The following GALNT18 variants were observed in gnomAD, a reference collection of about 807,000 sequenced individuals.
GALNT18 encodes polypeptide N-acetylgalactosaminyltransferase 18.
A neutral mutation model predicts 69.5 loss-of-function variants in GALNT18; 44 were observed. The observed-to-expected ratio is 0.63, with a 90% confidence interval of 0.50 to 0.81. The LOEUF is 0.81. Ranked by LOEUF, GALNT18 falls within the 40% of genes least tolerant of loss-of-function variation. GALNT18 has a pLI of 0.00. For synonymous variants in GALNT18, 364 were observed against 318.2 expected, an observed-to-expected ratio of 1.14 and a Z score of -1.53; for missense variants, 715 against 810.0, an observed-to-expected ratio of 0.88 and a Z score of 1.42.
At chr11:11,552,937 C>T (rs1254357493) in intron 1 of GALNT18, among the ~76,000 whole-genome samples, 1 of 152,182 alleles carries the variant, frequency 6.6e-6, no homozygotes, top group African/African-American at 2.4e-5. Flanking sequence ...CTGAGATCAG[C>T]AGTTTGTCAG....
chr11:11,430,546 G>A lies in GALNT18; in HGVS notation c.595+2075C>T, dbSNP rs1031430612. Reference sequence around the variant, plus strand: ...ATGCTCTAGAGCTTTGGTTGTGAAAGGTCTAGGGTGCTGCTCGTCTGCATC... The same window carrying A: ...ATGCTCTAGAGCTTTGGTTGTGAAAAGTCTAGGGTGCTGCTCGTCTGCATC... On this transcript the variant is annotated intron_variant, in intron 3 of 10. Transcript: ENST00000227756. This position sits in a 1 kb window ranked among gnomAD's most constrained non-coding sequence, Gnocchi z 4.9. Among the ~76,000 whole-genome samples the A allele has an allele frequency of 6.6e-6, 1 of 152,228 alleles. No individual in the cohort carries two copies. Among genetic ancestry groups the A allele is most frequent in the Non-Finnish European group, 1.5e-5 (1 of 68,040 alleles).
chr11:11,308,978 T>C (rs991293043), intron 9 of GALNT18, among the ~76,000 whole-genome samples: 1 of 152,154 alleles, frequency 6.6e-6, no homozygotes, highest in African/African-American at 2.4e-5. Flanking sequence ...TTTTGCCCAA[T>C]CACCTTGCTG....
chr11:11,471,885 G>T (rs1202293633), intron 1 of GALNT18, among the ~76,000 whole-genome samples: 1 of 152,242 alleles, frequency 6.6e-6, no homozygotes, highest in Non-Finnish European at 1.5e-5. Flanking sequence ...CAGCTTTGCA[G>T]CCTGGCCCTC....
chr11:11,300,445 A>G (rs1849473868), intron 9 of GALNT18, among the ~76,000 whole-genome samples: 1 of 152,208 alleles, frequency 6.6e-6, no homozygotes, highest in Non-Finnish European at 1.5e-5. Context: ...TACATTGGAA[A>G]GGGATGAACC....
At chr11:11,360,794 C>T (rs1850628450) in intron 6 of GALNT18, among the ~76,000 whole-genome samples, 1 of 151,456 alleles carries the variant, frequency 6.6e-6, no homozygotes, top group South Asian at 2.1e-4. Context: ...TTATTTGTTG[C>T]TTTAGCTTGA....
At chr11:11,549,715 C>G (rs771489484) in intron 1 of GALNT18, among the ~76,000 whole-genome samples, 1 of 152,204 alleles carries the variant, frequency 6.6e-6, no homozygotes, top group Non-Finnish European at 1.5e-5. Flanking sequence ...TAGTGGTAAC[C>G]TTCTTTGAAC....
At position 11,430,686 on chromosome 11, in the gene GALNT18, C is replaced by T. The variant is rs145718961; in HGVS notation, c.595+1935G>A. 6.7e-4 allele frequency among the ~76,000 whole-genome samples: 102 copies of T among 152,314 alleles called. No homozygotes were observed. Among genetic ancestry groups the T allele is most frequent in the Admixed American group, 5.4e-3 (83 of 15,300 alleles). ...TGAAACTCTGAGCCATCATTGACCTCCCCTCTGTTGGCCCGCCTGCCCATG... is the reference window on the plus strand; with the variant it reads ...TGAAACTCTGAGCCATCATTGACCTTCCCTCTGTTGGCCCGCCTGCCCATG... On this transcript the variant is annotated intron_variant, in intron 3 of 10. Transcript: ENST00000227756. The surrounding 1 kb of genome is among the most constrained non-coding windows in gnomAD (Gnocchi z 4.9).
Position 11,314,175 on chromosome 11 carries a change from G to A in GALNT18, c.1512+12911C>T, listed in dbSNP as rs145614163. Among the ~76,000 whole-genome samples, 413 of 152,244 alleles carry A rather than the reference G, an allele frequency of 2.7e-3. No homozygotes were observed. Among genetic ancestry groups the A allele is most frequent in the African/African-American group, 9.1e-3 (377 of 41,544 alleles). On this transcript the variant is annotated intron_variant, in intron 9 of 10. Coordinates refer to ENST00000227756, the MANE Select transcript of GALNT18 (RefSeq NM_198516.3). This position sits in a 1 kb window ranked among gnomAD's most constrained non-coding sequence, Gnocchi z 5.2. Reference sequence around the variant, plus strand: ...TGGGAAGCAAGACTGTCCAAAGAACGGTGGGTGGAGGGCAAGAGACTCAGC... The same window carrying A: ...TGGGAAGCAAGACTGTCCAAAGAACAGTGGGTGGAGGGCAAGAGACTCAGC...
chr11:11,534,485 T>A lies in GALNT18; in HGVS notation c.236-85549A>T, dbSNP rs566398039. ...CAGACCCTGTGCTGGATGCTGCTGA[T>A]GCAAAAGTGAATATAACACAGTCTT... is the stretch of plus-strand genomic sequence containing the variant. On this transcript the variant is annotated intron_variant, in intron 1 of 10. Coordinates refer to ENST00000227756, the MANE Select transcript of GALNT18 (RefSeq NM_198516.3). Among the ~76,000 whole-genome samples, 41 of 152,344 alleles carry A rather than the reference T, an allele frequency of 2.7e-4. No individual in the cohort carries two copies. The South Asian group carries it at 4.8e-3, about 18-fold the overall frequency.
intron 1 of GALNT18, among the ~76,000 whole-genome samples, chr11:11,451,619 T>C (rs371503932): frequency 6.9e-4 from 105 of 152,278 alleles, no homozygotes; most frequent in African/African-American, 2.5e-3. Flanking sequence ...CATTTCCTTA[T>C]CGAATGTTGC....
intron 3 of GALNT18, among the ~76,000 whole-genome samples, chr11:11,431,483 T>A (rs935547130): frequency 2.6e-5 from 4 of 152,284 alleles, no homozygotes; most frequent in East Asian, 3.9e-4. Context: ...CCTATTTGCA[T>A]CCTCGATGCC....
rs547078104 is a variant in GALNT18 at position 11,586,441 on chromosome 11, C to T, written c.235+34918G>A. Among the ~76,000 whole-genome samples the T allele has an allele frequency of 3.3e-5, 5 of 152,152 alleles. No individual in the cohort carries two copies. In the South Asian group the frequency reaches 1.0e-3, roughly 32 times the overall value. ...GTCCTAAGACCAAAAAGTTTGAAAA[C>T]TTCTGGCTTAAACTATAGCTAAAAG... On this transcript the variant is annotated intron_variant, in intron 1 of 10. Transcript: ENST00000227756. The surrounding 1 kb of genome is among the most constrained non-coding windows in gnomAD (Gnocchi z 4.1).
chr11:11,340,821 C>T lies in GALNT18; in HGVS notation c.1276G>A (p.Glu426Lys), dbSNP rs568922217. Residue 426 changes from glutamate (E) to lysine (K), a missense_variant and splice_region_variant, in exon 7 of 11, where the codon GAG becomes AAG. By Grantham distance (56) the Glu-to-Lys change is moderately conservative (BLOSUM62 1). Transcript: ENST00000227756. The surrounding 1 kb of genome is among the most constrained non-coding windows in gnomAD (Gnocchi z 4.2). ...TCATCCCTACCGGAGATCCCTACCT[C>T]CTGCGGTATGTTCCATGCCATGTAG... ...HVYMAWNIPQEDSGIDIGDIT... is the reference protein window; with the variant it reads ...HVYMAWNIPQKDSGIDIGDIT... 10 of 1,607,322 alleles carry T rather than the reference C, an allele frequency of 6.2e-6. No individual in the cohort carries two copies. The African/African-American group carries it at 6.7e-5, about 11-fold the overall frequency.
intron 1 of GALNT18, among the ~76,000 whole-genome samples, chr11:11,481,837 G>A (rs1856537532): frequency 6.6e-6 from 1 of 152,194 alleles, no homozygotes; most frequent in African/African-American, 2.4e-5. Flanking sequence ...CACAGACCTT[G>A]TTTGAATTAT....
rs1364857063 is a variant in GALNT18, at chr11:11,337,126, CCTCT to C, written c.1278+3689_1278+3692del. ...GATTCTGGCACCTACCGCTCAAAAT[CCTCT>C]CTGAGGATGAGACCCAGATGAGTAT... is the stretch of plus-strand genomic sequence containing the variant. On this transcript the variant is annotated intron_variant, in intron 7 of 10. Coordinates refer to ENST00000227756, the MANE Select transcript of GALNT18 (RefSeq NM_198516.3). The surrounding 1 kb of genome is among the most constrained non-coding windows in gnomAD (Gnocchi z 4.9). Among the ~76,000 whole-genome samples, 6 of 152,282 alleles carry C rather than the reference CCTCT, an allele frequency of 3.9e-5. No homozygotes were observed. The highest frequency in any genetic ancestry group is 3.3e-4 in the Admixed American group (5 of 15,302).
At chr11:11,547,553 G>A (rs1565005586) in intron 1 of GALNT18, among the ~76,000 whole-genome samples, 1 of 152,150 alleles carries the variant, frequency 6.6e-6, no homozygotes, top group Non-Finnish European at 1.5e-5. Flanking sequence ...GGTCATCCAG[G>A]CTGCAGGAAG....
intron 9 of GALNT18, among the ~76,000 whole-genome samples, chr11:11,304,918 T>C (rs1304867700): frequency 6.6e-6 from 1 of 152,238 alleles, no homozygotes; most frequent in Non-Finnish European, 1.5e-5. Flanking sequence ...AGCTGAATGA[T>C]GACAACCGAG....
chr11:11,311,835 A>T (rs1849678389), intron 9 of GALNT18, among the ~76,000 whole-genome samples: 1 of 152,176 alleles, frequency 6.6e-6, no homozygotes, highest in Non-Finnish European at 1.5e-5. Context: ...AATAACAGTG[A>T]TTACCTGGTT....
intron 10 of GALNT18, among the ~76,000 whole-genome samples, chr11:11,275,756 G>C (rs1333948579): frequency 2.0e-5 from 3 of 152,176 alleles, no homozygotes; most frequent in Non-Finnish European, 4.4e-5. Flanking sequence ...CATATGGCTA[G>C]CCAGTTTCCC....
Sources: allele counts gnomAD v4.1 joint callset (sites outside exome capture counted in the v4.1 genomes callset), GRCh38; gene constraint gnomAD v4.1.1; non-coding constraint Gnocchi (gnomAD v3.1); transcripts MANE v1.5; gene names NCBI Gene and HGNC (gene_info 2026-07-23, HGNC 2026-07-21).